MYH2: variants seen among roughly 807,000 people sequenced by gnomAD.
MYH2 encodes the protein myosin heavy chain 2.
Under a neutral mutation model 228.1 loss-of-function variants are expected in MYH2, and 139 were observed. That is an observed-to-expected ratio of 0.61 (90% CI 0.53 to 0.70). MYH2 has a LOEUF of 0.70. MYH2 is among the 30% of genes least tolerant of loss of function. MYH2 has a pLI of 0.00. For missense variants in MYH2, 1,809 were observed against 2,357.5 expected (o/e 0.77, Z 4.82); for synonymous variants, 796 against 871.1 (o/e 0.91, Z 1.52).
chr17:10,527,995 G>C, intron 27 of MYH2, 121 bp from the exon 28 acceptor site: 16 of 1,156,304 alleles, frequency 1.4e-5, no homozygotes, highest in East Asian at 3.0e-5. Context: ...ATATAGAAAA[G>C]AAACCAAATT....
At position 10,525,612 on chromosome 17, in the gene MYH2, A is replaced by G. The variant is rs765135888; in HGVS notation, c.4376T>C (p.Leu1459Pro). Residue 1459 changes from leucine (L) to proline (P), a missense_variant, in exon 32 of 40, where the codon CTG (leucine) becomes CCG (proline). Leu to Pro is a moderately conservative substitution (Grantham distance 98). Coordinates refer to ENST00000245503, the MANE Select transcript of MYH2 (RefSeq NM_017534.6). The surrounding 1 kb of genome is among the most constrained non-coding windows in gnomAD (Gnocchi z 4.2). ...CTCACATTTCTGTTTCCATTCTGCCAGGATCTGAAAAACCAAGACCTGTTA... is the reference window on the plus strand; with the variant it reads ...CTCACATTTCTGTTTCCATTCTGCCGGGATCTGAAAAACCAAGACCTGTTA... ...DKKQRNFDKILAEWKQKCEET... is the reference protein window; with the variant it reads ...DKKQRNFDKIPAEWKQKCEET... The G allele has an allele frequency of 4.3e-6, 7 of 1,614,076 alleles. No homozygotes were observed. Among genetic ancestry groups the G allele is most frequent in the Non-Finnish European group, 5.9e-6 (7 of 1,180,046 alleles).
rs1567738733 is a variant in MYH2 at position 10,547,830 on chromosome 17, GC to G, written c.90del (p.Arg30SerfsTer31). Reference protein sequence around the residue: ...SERERIEAQNRPFDAKTSVFV... With the variant: ...SERERIEAQNXPFDAKTSVFV... ...AAGACAGATGTTTTGGCATCAAAGG[GC>G]CTATTCTGGGCCTCAATGCGCTCCC... On this transcript the variant is annotated frameshift_variant, in exon 3 of 40. Coordinates refer to ENST00000245503, the MANE Select transcript of MYH2 (RefSeq NM_017534.6). LOFTEE classifies it high-confidence loss of function. The G allele has an allele frequency of 4.3e-6, 7 of 1,614,174 alleles. No homozygotes were observed. The highest frequency in any genetic ancestry group is 5.9e-6 in the Non-Finnish European group (7 of 1,180,044).
chr17:10,528,669 A>G lies in MYH2; in HGVS notation c.3744+21T>C, dbSNP rs760453147. On this transcript the variant is annotated intron_variant, in intron 27 of 39. Transcript: ENST00000245503. ...CCATAATGCATTATTTTCAATAACA[A>G]TTTCCCAGAATTTGTAGTACCTTGG... is the stretch of plus-strand genomic sequence containing the variant. 6 of 1,613,840 alleles carry G rather than the reference A, an allele frequency of 3.7e-6. No individual in the cohort carries two copies. The African/African-American group carries it at 4.0e-5, about 11-fold the overall frequency.
At position 10,529,017 on chromosome 17, in the gene MYH2, C is replaced by G. The variant is rs777579745; in HGVS notation, c.3417G>C (p.Glu1139Asp). 3.7e-6 allele frequency: 6 copies of G among 1,614,228 alleles called. No individual in the cohort carries two copies. Among genetic ancestry groups the G allele is most frequent in the Admixed American group, 1.7e-5 (1 of 60,036 alleles). Reference protein sequence around the residue: ...EAERASRAKAEKQRSDLSREL... With the variant: ...EAERASRAKADKQRSDLSREL... ...CCCGGGAGAGGTCAGAGCGCTGCTTCTCTGCTTTGGCCCGGGAGGCCCGCT... is the reference window on the plus strand; with the variant it reads ...CCCGGGAGAGGTCAGAGCGCTGCTTGTCTGCTTTGGCCCGGGAGGCCCGCT... Residue 1139 changes from glutamate (E) to aspartate (D), a missense_variant, in exon 27 of 40, where the codon GAG (glutamate) becomes GAC (aspartate). Coordinates refer to ENST00000245503, the MANE Select transcript of MYH2 (RefSeq NM_017534.6).
chr17:10,535,011 T>C, intron 19 of MYH2, 62 bp downstream of exon 19: 1 of 1,548,758 alleles, frequency 6.5e-7, no homozygotes, highest in Admixed American at 1.7e-5. Context: ...CTAAATTGTT[T>C]TGCTTGCATT....
rs886052565 is a variant in MYH2, at chr17:10,528,867, T to C, written c.3567A>G (p.Leu1189=). The change falls in exon 27 of 40, where the codon CTA becomes CTG. Residue 1189 remains leucine, a synonymous_variant. Coordinates refer to ENST00000245503, the MANE Select transcript of MYH2 (RefSeq NM_017534.6). The part of the protein sequence containing the change: ...KMRRDLEEAT[L]QHEATAATLR... ...GGGTGGCCGCTGTGGCTTCATGCTG[T>C]AGGGTGGCCTCCTCCAGGTCCCTGC... 3.1e-6 allele frequency: 5 copies of C among 1,614,230 alleles called. No homozygotes were observed. The East Asian group carries it at 8.9e-5, about 29-fold the overall frequency.
chr17:10,534,976 C>G (rs1597453396), intron 19 of MYH2, 97 bp downstream of exon 19: 1 of 1,374,880 alleles, frequency 7.3e-7, no homozygotes, highest in South Asian at 1.2e-5. Flanking sequence ...TGTGACAAAA[C>G]TAACAAGTAG....
Position 10,525,440 on chromosome 17 carries a change from T to C in MYH2, c.4537+11A>G, listed in dbSNP as rs2142293499. ...AAGTTATGAATATTATTGAATATGA[T>C]AGGGACTTACGCTGTAAGTTTTTGT... On this transcript the variant is annotated intron_variant, in intron 32 of 39. Transcript: ENST00000245503. The surrounding 1 kb of genome is among the most constrained non-coding windows in gnomAD (Gnocchi z 4.2). 6.2e-7 allele frequency: 1 copy of C among 1,614,096 alleles called. No individual in the cohort carries two copies. Among genetic ancestry groups the C allele is most frequent in the Non-Finnish European group, 8.5e-7 (1 of 1,179,950 alleles).
In MYH2 at chr17:10,523,198, A is replaced by G. The variant is rs2073305488; in HGVS notation, c.5578-13T>C. 1 of 1,611,402 alleles carries G rather than the reference A, an allele frequency of 6.2e-7. No homozygotes were observed. The highest frequency in any genetic ancestry group is 1.1e-5 in the South Asian group (1 of 91,006). ...TATCTTCTTCCGTCTGAAAGATTAT[A>G]AAAAGTCCAGGACCTTAATTACTAA... On this transcript the variant is annotated splice_polypyrimidine_tract_variant and intron_variant, in intron 38 of 39. Transcript: ENST00000245503.
chr17:10,529,951 C>T lies in MYH2; in HGVS notation c.2821G>A (p.Glu941Lys). ...RAEDEEEINA[E>K]LTAKKRKLED... ...AGTTTCCTCTTCTTGGCTGTCAGCT[C>T]AGCATTGATCTCTTCCTCATCCTCA... The change falls in exon 23 of 40, where the codon GAG becomes AAG. Residue 941 changes from glutamate (E) to lysine (K), a missense_variant. This residue lies in a region of MYH2 where 43 missense variants were observed against 89.2 expected (regional missense o/e 0.48). Transcript: ENST00000245503. 3 of 1,613,716 alleles carry T rather than the reference C, an allele frequency of 1.9e-6. No homozygotes were observed. The highest frequency in any genetic ancestry group is 2.5e-6 in the Non-Finnish European group (3 of 1,179,732).
At position 10,523,156 on chromosome 17, in the gene MYH2, C is replaced by A. The variant is rs370387304; in HGVS notation, c.5607G>T (p.Arg1869Ser). ...GAAGTTTATCTACCAAATCTTGAAGCCTGAGAATATTCTTTCTATCTTCTT... is the reference window on the plus strand; with the variant it reads ...GAAGTTTATCTACCAAATCTTGAAGACTGAGAATATTCTTTCTATCTTCTT... ...QTEEDRKNILRLQDLVDKLQA... is the reference protein window; with the variant it reads ...QTEEDRKNILSLQDLVDKLQA... Residue 1869 changes from arginine to serine, a missense_variant, in exon 39 of 40, where the codon AGG becomes AGT. Arg to Ser is a moderately radical substitution (Grantham distance 110). Around this residue, in one of 9 missense-constraint regions of MYH2, gnomAD observed 278 missense variants for 308.5 expected, o/e 0.90. Transcript: ENST00000245503. 6.2e-7 allele frequency: 1 copy of A among 1,613,936 alleles called. No individual in the cohort carries two copies. Among genetic ancestry groups the A allele is most frequent in the Non-Finnish European group, 8.5e-7 (1 of 1,179,836 alleles).
At chr17:10,539,076 T>C in intron 14 of MYH2, 129 bp downstream of exon 14, 2 of 1,534,056 alleles carry the variant, frequency 1.3e-6, no homozygotes, top group Non-Finnish European at 1.8e-6. Flanking sequence ...ACTGACCAGT[T>C]ACTCTCTTTT....
intron 17 of MYH2, among the ~76,000 whole-genome samples, 185 bp downstream of exon 17, chr17:10,536,345 G>A (rs540566668): frequency 3.4e-4 from 52 of 152,194 alleles, no homozygotes; most frequent in African/African-American, 1.1e-3. Context: ...AAGAAAAGAC[G>A]AGGGGAATTT....
At chr17:10,536,679 G>A (rs1482489098) in intron 16 of MYH2, 73 bp from the exon 17 acceptor site, 2 of 1,420,306 alleles carry the variant, frequency 1.4e-6, no homozygotes, top group African/African-American at 2.8e-5. Context: ...GCTGATTTCT[G>A]TGTTCATCGA....
chr17:10,542,231 G>A (rs945295255), intron 10 of MYH2, among the ~76,000 whole-genome samples: 8 of 152,054 alleles, frequency 5.3e-5, no homozygotes, highest in Non-Finnish European at 8.8e-5. Flanking sequence ...CTGAGATTTC[G>A]CCATTGCACT....
At position 10,547,724 on chromosome 17, in the gene MYH2, C is replaced by T; in HGVS notation, c.197G>A (p.Gly66Glu). The T allele has an allele frequency of 6.2e-7, 1 of 1,614,188 alleles. No individual in the cohort carries two copies. Among genetic ancestry groups the T allele is most frequent in the East Asian group, 2.2e-5 (1 of 44,876 alleles). The change falls in exon 3 of 40, where the codon GGA (glycine) becomes GAA (glutamate). Residue 66 changes from glycine to glutamate, a missense_variant. This residue lies in a region of MYH2 where 84 missense variants were observed against 81.8 expected (regional missense o/e 1.03). Coordinates refer to ENST00000245503, the MANE Select transcript of MYH2 (RefSeq NM_017534.6). ...TCCTGGGATTCTACTCACCGCTCCTCCCTCAGTCTTCACCGTCACTTTTCC... is the reference window on the plus strand; with the variant it reads ...TCCTGGGATTCTACTCACCGCTCCTTCCTCAGTCTTCACCGTCACTTTTCC... ...EGGKVTVKTE[G>E]GATLTVKDDQ...
intron 21 of MYH2, among the ~76,000 whole-genome samples, chr17:10,532,243 A>G (rs978776249): frequency 6.6e-6 from 1 of 152,158 alleles, no homozygotes; most frequent in African/African-American, 2.4e-5. Context: ...AAGTCCAAGG[A>G]GCACCCTTTG....
intron 39 of MYH2, among the ~76,000 whole-genome samples, chr17:10,522,428 A>G (rs1323179565): frequency 3.3e-5 from 5 of 152,160 alleles, no homozygotes. Context: ...TAGTTATAAT[A>G]CATTTATTTT....
chr17:10,540,494 G>A, intron 11 of MYH2, 100 bp downstream of exon 11: 6 of 1,036,974 alleles, frequency 5.8e-6, no homozygotes, highest in Non-Finnish European at 8.8e-6. Context: ...TTGCATCCTG[G>A]AATCTTCTTT....
Sources: gnomAD v4.1 joint callset for allele counts (sites outside exome capture counted in the v4.1 genomes callset) on GRCh38, gnomAD v4.1.1 for gene constraint, gnomAD v4.1.1 regional missense constraint, Gnocchi (gnomAD v3.1) non-coding constraint, MANE v1.5 for transcripts, NCBI Gene and HGNC (gene_info 2026-07-23, HGNC 2026-07-21) for gene names.